ANXA8: variants seen among roughly 807,000 people sequenced by gnomAD.
ANXA8 encodes the protein VAC-beta.
A neutral mutation model predicts 26.8 loss-of-function variants in ANXA8; 9 were observed. That is an observed-to-expected ratio of 0.34 (90% CI 0.20 to 0.59). ANXA8 has a LOEUF of 0.59. Ranked by LOEUF, ANXA8 falls within the 20% of genes least tolerant of loss-of-function variation. ANXA8 has a pLI of 0.84. For synonymous variants in ANXA8, 39 were observed against 94.8 expected, an observed-to-expected ratio of 0.41 and a Z score of 3.42; for missense variants, 83 against 238.5, an observed-to-expected ratio of 0.35 and a Z score of 4.29.
At chr10:47,559,115 T>C in the ANXA8 span, among the ~76,000 whole-genome samples, 1 of 150,346 alleles carries the variant, frequency 6.7e-6, no homozygotes, top group African/African-American at 2.5e-5. Context: ...ATCCATTAAG[T>C]AGAGTAACTT....
At chr10:47,660,051 G>A in the ANXA8 span, among the ~76,000 whole-genome samples, 13 of 147,394 alleles carry the variant, frequency 8.8e-5, 1 homozygote, top group Admixed American at 3.4e-4. Flanking sequence ...CACCAAGCCC[G>A]GCCTGAATCC....
At chr10:47,621,434 C>G in the ANXA8 span, among the ~76,000 whole-genome samples, 6 of 110,846 alleles carry the variant, frequency 5.4e-5, no homozygotes, top group Non-Finnish European at 1.2e-4. Flanking sequence ...GAAACAGATC[C>G]AGAGAGGAAG....
chr10:47,627,431 A>T, the ANXA8 span, among the ~76,000 whole-genome samples: 90 of 150,316 alleles, frequency 6.0e-4, 11 homozygotes, highest in African/African-American at 2.2e-3. Context: ...TACTGTTAAC[A>T]ATGTAAATTT....
At chr10:47,943,051 G>A in the ANXA8 span, among the ~76,000 whole-genome samples, 1 of 144,798 alleles carries the variant, frequency 6.9e-6, no homozygotes, top group Non-Finnish European at 1.5e-5. Context: ...TCCCAACCTT[G>A]AAGGTTTTGG....
At chr10:47,971,241 C>T in the ANXA8 span, among the ~76,000 whole-genome samples, 4 of 150,978 alleles carry the variant, frequency 2.6e-5, no homozygotes, top group South Asian at 2.1e-4. Flanking sequence ...ACTTTGAGGC[C>T]GTGAGAAGGC....
the ANXA8 span, among the ~76,000 whole-genome samples, chr10:47,665,755 G>A: frequency 1.3e-5 from 2 of 151,274 alleles, no homozygotes; most frequent in East Asian, 3.9e-4. Flanking sequence ...GGAATAAATT[G>A]TTCTACTCTA....
chr10:47,620,188 T>TA, the ANXA8 span, among the ~76,000 whole-genome samples: 990 of 97,664 alleles, frequency 0.01, 3 homozygotes, highest in East Asian at 0.02. Context: ...GCAAGGGGTG[T>TA]AGTGAGGGTA....
the ANXA8 span, among the ~76,000 whole-genome samples, chr10:47,899,017 T>C: frequency 2.7e-5 from 4 of 150,758 alleles, no homozygotes; most frequent in African/African-American, 9.7e-5. Flanking sequence ...TATTTTTTTT[T>C]AGTATAGATG....
At chr10:47,693,599 C>A in the ANXA8 span, among the ~76,000 whole-genome samples, 5 of 152,008 alleles carry the variant, frequency 3.3e-5, 1 homozygote, top group African/African-American at 9.7e-5. Context: ...CGAGTACAAT[C>A]TTTTATAAAG....
At chr10:47,957,485 G>A in the ANXA8 span, among the ~76,000 whole-genome samples, 1 of 150,568 alleles carries the variant, frequency 6.6e-6, no homozygotes, top group Non-Finnish European at 1.5e-5. Context: ...AGGCCTAGGG[G>A]ACCGGCTTCT....
the ANXA8 span, among the ~76,000 whole-genome samples, chr10:47,947,570 G>T: frequency 2.7e-5 from 4 of 150,706 alleles, no homozygotes; most frequent in Admixed American, 6.6e-5. Context: ...GATCATGGGG[G>T]CAGATTTCCC....
the ANXA8 span, among the ~76,000 whole-genome samples, chr10:47,930,147 C>A: frequency 1.3e-5 from 2 of 151,896 alleles, no homozygotes. Flanking sequence ...TGGAATGCCA[C>A]CCCTTGATAT....
chr10:47,599,869 A>C, the ANXA8 span: 1 of 150,162 alleles, frequency 6.7e-6, no homozygotes, highest in South Asian at 2.1e-4. Context: ...GGGCACCTGG[A>C]GAGTGAGGGA....
the ANXA8 span, among the ~76,000 whole-genome samples, chr10:47,562,069 G>T: frequency 6.6e-6 from 1 of 151,812 alleles, no homozygotes; most frequent in African/African-American, 2.4e-5. Context: ...AATCAATTAT[G>T]TATAAGATAT....
chr10:47,778,678 C>A, the ANXA8 span, among the ~76,000 whole-genome samples: 2 of 151,792 alleles, frequency 1.3e-5, no homozygotes, highest in East Asian at 3.8e-4. Context: ...ACTTTGAGAA[C>A]CATAAAGGCG....
the ANXA8 span, among the ~76,000 whole-genome samples, chr10:47,976,884 G>C: frequency 3.5e-5 from 3 of 86,192 alleles, no homozygotes; most frequent in Admixed American, 2.5e-4. Context: ...GACCAAAACA[G>C]TTACAAGGAA....
the ANXA8 span, among the ~76,000 whole-genome samples, chr10:47,632,327 G>C: frequency 6.7e-6 from 1 of 150,336 alleles, no homozygotes. Flanking sequence ...AAAACATTCT[G>C]CTTTTCTTAA....
chr10:47,692,618 A>ATC, the ANXA8 span: 1 of 109,372 alleles, frequency 9.1e-6, no homozygotes, highest in Non-Finnish European at 1.9e-5. Flanking sequence ...TGGCAAGCTT[A>ATC]GTGCAAACAC....
At chr10:47,561,835 G>A in the ANXA8 span, among the ~76,000 whole-genome samples, 2 of 151,174 alleles carry the variant, frequency 1.3e-5, no homozygotes, top group Middle Eastern at 3.4e-3. Flanking sequence ...AATAATAAAC[G>A]ATATGAAGAA....
Sources: allele counts gnomAD v4.1 joint callset (sites outside exome capture counted in the v4.1 genomes callset), GRCh38; gene constraint gnomAD v4.1.1; transcripts MANE v1.5; gene names NCBI Gene and HGNC (gene_info 2026-07-23, HGNC 2026-07-21).